MYO1D: variants seen among roughly 807,000 people sequenced by gnomAD.
MYO1D encodes myosin ID.
In MYO1D, 83 loss-of-function variants were observed where a neutral mutation model predicts 122.0. That is an observed-to-expected ratio of 0.68 (90% confidence interval 0.57 to 0.82). The LOEUF is 0.82. Ranked by LOEUF, MYO1D falls within the 40% of genes least tolerant of loss-of-function variation. MYO1D has a pLI of 0.00. For missense variants in MYO1D, 1,157 were observed against 1,269.5 expected (o/e 0.91, Z 1.35); for synonymous variants, 464 against 446.9 (o/e 1.04, Z -0.48).
intron 1 of MYO1D, among the ~76,000 whole-genome samples, chr17:32,798,168 T>C (rs983951092): frequency 1.3e-5 from 2 of 152,208 alleles, no homozygotes; most frequent in African/African-American, 4.8e-5. Context: ...TGTTTGACTA[T>C]TGTTTTTGTT....
intron 21 of MYO1D, among the ~76,000 whole-genome samples, chr17:32,570,446 G>A (rs2087213952): frequency 6.6e-6 from 1 of 151,930 alleles, no homozygotes. Flanking sequence ...CTCACTGCAA[G>A]CTCCGCCTTC....
At chr17:32,716,647 G>C (rs1395219944) in intron 15 of MYO1D, among the ~76,000 whole-genome samples, 2 of 152,206 alleles carry the variant, frequency 1.3e-5, no homozygotes, top group African/African-American at 4.8e-5. Flanking sequence ...TCTCAAATTT[G>C]TTACACCAAA....
chr17:32,665,880 T>A (rs1185482144), intron 16 of MYO1D, among the ~76,000 whole-genome samples: 1 of 152,180 alleles, frequency 6.6e-6, no homozygotes, highest in African/African-American at 2.4e-5. Context: ...GTGTTTTCTC[T>A]TTCCTGCCAG....
At chr17:32,731,009 C>T (rs1029735197) in intron 14 of MYO1D, among the ~76,000 whole-genome samples, 2 of 150,938 alleles carry the variant, frequency 1.3e-5, no homozygotes, top group African/African-American at 4.9e-5. Flanking sequence ...CGGGTTCAAG[C>T]GATTCTCCTT....
chr17:32,820,270 A>G (rs1268997583), intron 1 of MYO1D, among the ~76,000 whole-genome samples: 1 of 152,230 alleles, frequency 6.6e-6, no homozygotes, highest in African/African-American at 2.4e-5. Context: ...TTCTGGGTAT[A>G]TGTTCAAAGG....
chr17:32,571,178 G>T (rs574293303), intron 21 of MYO1D, among the ~76,000 whole-genome samples: 5 of 152,170 alleles, frequency 3.3e-5, no homozygotes, highest in Non-Finnish European at 7.3e-5. Flanking sequence ...TGTGGGGCTT[G>T]CTGGGCTAAG....
chr17:32,525,406 A>G (rs1444551313), intron 21 of MYO1D, among the ~76,000 whole-genome samples: 1 of 151,380 alleles, frequency 6.6e-6, no homozygotes, highest in African/African-American at 2.4e-5. Context: ...ATTTCTAGTC[A>G]GTATGTCTTG....
At chr17:32,613,666 C>T (rs907784654) in intron 20 of MYO1D, among the ~76,000 whole-genome samples, 6 of 151,470 alleles carry the variant, frequency 4.0e-5, no homozygotes, top group Non-Finnish European at 8.8e-5. Context: ...CCCAGCTACT[C>T]GGGGGGCTGA....
chr17:32,522,292 G>GC, intron 21 of MYO1D, among the ~76,000 whole-genome samples: 1 of 152,210 alleles, frequency 6.6e-6, no homozygotes, highest in Non-Finnish European at 1.5e-5. Flanking sequence ...ACCACTAAAG[G>GC]CCTGATGCTG....
chr17:32,746,575 C>A (rs546576762), intron 12 of MYO1D, among the ~76,000 whole-genome samples: 1 of 152,002 alleles, frequency 6.6e-6, no homozygotes, highest in African/African-American at 2.4e-5. Context: ...TGTATATATG[C>A]GTGTTTTCAT....
chr17:32,728,227 A>G (rs1216009768), intron 14 of MYO1D, among the ~76,000 whole-genome samples: 2 of 148,264 alleles, frequency 1.3e-5, no homozygotes, highest in Admixed American at 6.7e-5. Flanking sequence ...TTTTTTTTTG[A>G]GACAGTCTCA....
At chr17:32,574,956 A>G (rs1365303821) in intron 21 of MYO1D, among the ~76,000 whole-genome samples, 1 of 152,208 alleles carries the variant, frequency 6.6e-6, no homozygotes, top group Non-Finnish European at 1.5e-5. Context: ...ATGAGGATAA[A>G]TATGTCTACC....
At chr17:32,812,588 C>G (rs550437874) in intron 1 of MYO1D, among the ~76,000 whole-genome samples, 23 of 152,174 alleles carry the variant, frequency 1.5e-4, no homozygotes, top group African/African-American at 5.1e-4. Context: ...GAGTAATAAG[C>G]CTTCCAAGTG....
intron 19 of MYO1D, among the ~76,000 whole-genome samples, chr17:32,639,857 T>C (rs547314859): frequency 6.6e-6 from 1 of 152,320 alleles, no homozygotes; most frequent in South Asian, 2.1e-4. Context: ...TTGTGATCTA[T>C]ATCCTCCATC....
chr17:32,756,356 A>T lies in MYO1D; in HGVS notation c.1297-694T>A, dbSNP rs757882207. 4.4e-4 allele frequency: 94 copies of T among 215,820 alleles called. 1 individual carries two copies. The highest frequency in any genetic ancestry group is 1.5e-3 in the Middle Eastern group (1 of 676). 13.4% of individuals were successfully genotyped at this position (215,820 alleles called of 1,614,324 possible). A position where few individuals can be genotyped will look rare whatever the true frequency, so the allele number is the denominator to read the frequency against. ...TCATGCAGAATATATATACTAAAAA[A>T]TTTCAGTCTTTTAAACAGCCTTACT... On this transcript the variant is annotated intron_variant, in intron 10 of 21. Transcript: ENST00000318217.
At chr17:32,619,996 A>G (rs2087833524) in intron 20 of MYO1D, among the ~76,000 whole-genome samples, 1 of 152,214 alleles carries the variant, frequency 6.6e-6, no homozygotes, top group South Asian at 2.1e-4. Context: ...CTCTTTTAGC[A>G]GGCTTCCACT....
chr17:32,836,819 A>T (rs1407716747), intron 1 of MYO1D, among the ~76,000 whole-genome samples: 1 of 152,136 alleles, frequency 6.6e-6, no homozygotes, highest in Non-Finnish European at 1.5e-5. Flanking sequence ...GATTATTTTC[A>T]GTTTTGGTTT....
chr17:32,639,827 A>G lies in MYO1D; in HGVS notation c.2596-992T>C, dbSNP rs529844678. ...ACAGAAAACTTAAAAAGCCCTCCTC[A>G]ACTAGAAAAGAAGGCATAGTTGTGA... On this transcript the variant is annotated intron_variant, in intron 19 of 21. Transcript: ENST00000318217. Among the ~76,000 whole-genome samples, 123 of 152,310 alleles carry G rather than the reference A, an allele frequency of 8.1e-4. 1 individual carries two copies. Among genetic ancestry groups the G allele is most frequent in the African/African-American group, 2.9e-3 (119 of 41,572 alleles).
chr17:32,639,230 T>C (rs1345473685), intron 19 of MYO1D, among the ~76,000 whole-genome samples: 2 of 152,066 alleles, frequency 1.3e-5, no homozygotes, highest in East Asian at 1.9e-4. Flanking sequence ...AAAGAAATAA[T>C]ATGAAGCCCT....
Sources: gnomAD v4.1 joint callset for allele counts (sites outside exome capture counted in the v4.1 genomes callset) on GRCh38, gnomAD v4.1.1 for gene constraint, MANE v1.5 for transcripts, NCBI Gene and HGNC (gene_info 2026-07-23, HGNC 2026-07-21) for gene names.